Variants in TXLNG observed in about 807,000 individuals in gnomAD.
TXLNG encodes gamma-taxilin.
A neutral mutation model predicts 38.8 loss-of-function variants in TXLNG; 5 were observed. The ratio of observed to expected loss-of-function variants is 0.13; its 90% confidence interval spans 0.07 to 0.27. The LOEUF is 0.27. Ranked by LOEUF, TXLNG falls within the 10% of genes least tolerant of loss-of-function variation. TXLNG has a pLI of 1.00. For synonymous variants in TXLNG, 182 were observed against 158.2 expected, an observed-to-expected ratio of 1.15 and a Z score of -1.13; for missense variants, 393 against 398.2, an observed-to-expected ratio of 0.99 and a Z score of 0.11.
At chrX:16,802,967 C>T (rs1044352382) in intron 1 of TXLNG, among the ~76,000 whole-genome samples, 7 of 109,116 alleles carry the variant, frequency 6.4e-5, no homozygotes, top group African/African-American at 2.3e-4. Flanking sequence ...TTACAGGTAC[C>T]TGCCACCATG....
At chrX:16,829,538 G>C (rs180883492) in intron 4 of TXLNG, 38 bp from the exon 5 acceptor site, 23 of 1,168,514 alleles carry the variant, frequency 2.0e-5, no homozygotes, top group Non-Finnish European at 2.4e-5. Flanking sequence ...CTTCTCTATA[G>C]GTCTGTATTA....
chrX:16,814,093 A>G (rs1344837166), intron 1 of TXLNG, among the ~76,000 whole-genome samples: 1 of 111,620 alleles, frequency 9.0e-6, no homozygotes, highest in Non-Finnish European at 1.9e-5. Context: ...CTCAAAAAAA[A>G]TAAAAAGAAA....
At chrX:16,840,750 C>T (rs755474017) in intron 9 of TXLNG, among the ~76,000 whole-genome samples, 58 of 110,095 alleles carry the variant, frequency 5.3e-4, no homozygotes, top group African/African-American at 1.7e-3. Context: ...CCAGCCCGGG[C>T]GACAGAGCGA....
Position 16,818,798 on chromosome X carries a change from C to A in TXLNG, c.327C>A (p.Ile109=), listed in dbSNP as rs1487197402. Residue 109 remains isoleucine (I), a synonymous_variant, in exon 2 of 10, where the codon ATC becomes ATA. Coordinates refer to ENST00000380122, the MANE Select transcript of TXLNG (RefSeq NM_018360.3). ...GCACGCAAGAATCAAGAGAGGAAAT[C>A]CCTGGGGGAGAAGCTCGAACAGATC... ...AYCTQESREE[I]PGGEARTDPP... 3 of 1,211,825 alleles carry A rather than the reference C, an allele frequency of 2.5e-6. No individual in the cohort carries two copies. The highest frequency in any genetic ancestry group is 2.2e-6 in the Non-Finnish European group (2 of 895,508).
chrX:16,807,825 T>C (rs776179487), intron 1 of TXLNG, among the ~76,000 whole-genome samples: 1 of 111,888 alleles, frequency 8.9e-6, no homozygotes, highest in Admixed American at 9.6e-5. Flanking sequence ...TGAGCTCATG[T>C]GAGCAAGCAG....
intron 1 of TXLNG, among the ~76,000 whole-genome samples, chrX:16,813,838 G>A (rs113727332): frequency 0.037 from 4,083 of 111,485 alleles, 205 homozygotes; most frequent in African/African-American, 0.13. Flanking sequence ...TGTAATCCCA[G>A]CACTTTGGGA....
intron 3 of TXLNG, among the ~76,000 whole-genome samples, chrX:16,826,478 C>G (rs1929171025): frequency 9.0e-6 from 1 of 111,515 alleles, no homozygotes; most frequent in Non-Finnish European, 1.9e-5. Context: ...TTGATTTAAC[C>G]TTGAAACAGA....
chrX:16,833,344 G>GTA (rs1929479367), intron 6 of TXLNG, among the ~76,000 whole-genome samples: 1 of 112,002 alleles, frequency 8.9e-6, no homozygotes, highest in African/African-American at 3.2e-5. Flanking sequence ...GAATCTCATT[G>GTA]GGTATGTATA....
Position 16,818,795 on chromosome X carries a change from A to C in TXLNG, c.324A>C (p.Glu108Asp), listed in dbSNP as rs180925643. 1 of 1,210,663 alleles carries C rather than the reference A, an allele frequency of 8.3e-7. No individual in the cohort carries two copies. Among genetic ancestry groups the C allele is most frequent in the African/African-American group, 1.7e-5 (1 of 57,424 alleles). ...ACTGCACGCAAGAATCAAGAGAGGA[A>C]ATCCCTGGGGGAGAAGCTCGAACAG... Reference protein sequence around the residue: ...PAYCTQESREEIPGGEARTDP... With the variant: ...PAYCTQESREDIPGGEARTDP... Residue 108 changes from glutamate to aspartate, a missense_variant, in exon 2 of 10, where the codon GAA (glutamate) becomes GAC (aspartate). Coordinates refer to ENST00000380122, the MANE Select transcript of TXLNG (RefSeq NM_018360.3).
chrX:16,813,048 A>G (rs1001362024), intron 1 of TXLNG, among the ~76,000 whole-genome samples: 2 of 111,028 alleles, frequency 1.8e-5, no homozygotes, highest in Admixed American at 9.7e-5. Flanking sequence ...TCTGAAAAAT[A>G]TATCTGGTAA....
At chrX:16,812,920 C>A (rs1346221668) in intron 1 of TXLNG, among the ~76,000 whole-genome samples, 1 of 108,235 alleles carries the variant, frequency 9.2e-6, no homozygotes, top group African/African-American at 3.4e-5. Context: ...AGGCTAGTCT[C>A]GAACTCCTGA....
At chrX:16,803,984 A>G (rs1046428753) in intron 1 of TXLNG, among the ~76,000 whole-genome samples, 24 of 111,271 alleles carry the variant, frequency 2.2e-4, no homozygotes, top group African/African-American at 6.5e-4. Flanking sequence ...AAATATTCCA[A>G]TAAAGGATCA....
At chrX:16,808,673 C>G (rs770673828) in intron 1 of TXLNG, among the ~76,000 whole-genome samples, 4 of 111,439 alleles carry the variant, frequency 3.6e-5, no homozygotes, top group Non-Finnish European at 7.5e-5. Context: ...TTTGCTTTTT[C>G]CCTTATTAAC....
Position 16,841,597 on chromosome X carries a change from C to T in TXLNG, c.1418C>T (p.Ala473Val), listed in dbSNP as rs1929829443. The change falls in exon 10 of 10, where the codon GCA (alanine) becomes GTA (valine). Residue 473 changes from alanine to valine, a missense_variant. By Grantham distance (64) the Ala-to-Val change is moderately conservative. Coordinates refer to ENST00000380122, the MANE Select transcript of TXLNG (RefSeq NM_018360.3). ...AAIKAANRDL[A>V]TPVMQPCTAL... ...ATCAAAGCGGCGAACAGGGATTTAG[C>T]AACACCTGTGATGCAGCCCTGTACT... 1.7e-6 allele frequency: 2 copies of T among 1,209,584 alleles called. No individual in the cohort carries two copies. The highest frequency in any genetic ancestry group is 1.8e-5 in the African/African-American group (1 of 56,977).
At chrX:16,823,195 G>A (rs1189032681) in intron 3 of TXLNG, among the ~76,000 whole-genome samples, 4 of 110,762 alleles carry the variant, frequency 3.6e-5, no homozygotes, top group African/African-American at 9.9e-5. Flanking sequence ...GATATAGGCC[G>A]GGCGTATAAT....
intron 1 of TXLNG, among the ~76,000 whole-genome samples, chrX:16,813,307 G>A (rs1285676795): frequency 9.0e-6 from 1 of 110,827 alleles, no homozygotes; most frequent in Non-Finnish European, 1.9e-5. Flanking sequence ...TGAGGATGTG[G>A]AGAAATTGGA....
chrX:16,824,473 T>A (rs896127137), intron 3 of TXLNG, among the ~76,000 whole-genome samples: 1 of 112,226 alleles, frequency 8.9e-6, no homozygotes, highest in Non-Finnish European at 1.9e-5. Context: ...TTTGTAGATA[T>A]TATTTTGATT....
chrX:16,808,797 G>C (rs1928413933), intron 1 of TXLNG, among the ~76,000 whole-genome samples: 1 of 111,192 alleles, frequency 9.0e-6, no homozygotes, highest in African/African-American at 3.3e-5. Flanking sequence ...TTGATATTTA[G>C]GATATTTCTG....
intron 7 of TXLNG, among the ~76,000 whole-genome samples, chrX:16,835,591 G>A (rs1273061329): frequency 3.6e-5 from 4 of 111,912 alleles, no homozygotes; most frequent in Non-Finnish European, 7.5e-5. Flanking sequence ...TGCTGCGGAA[G>A]TCACCAGAGG....
Sources: allele counts gnomAD v4.1 joint callset (sites outside exome capture counted in the v4.1 genomes callset), GRCh38; gene constraint gnomAD v4.1.1; transcripts MANE v1.5; gene names NCBI Gene and HGNC (gene_info 2026-07-23, HGNC 2026-07-21).